MORC2: variants seen among roughly 807,000 people sequenced by gnomAD.
MORC2 encodes the protein MORC family CW-type zinc finger 2.
Under a neutral mutation model 136.0 loss-of-function variants are expected in MORC2, and 30 were observed. The observed-to-expected ratio is 0.22, with a 90% CI of 0.17 to 0.30. MORC2 has a LOEUF of 0.30. MORC2 is among the 10% of genes least tolerant of loss of function. The pLI is 1.00. For missense variants in MORC2, 922 were observed against 1,333.1 expected, an observed-to-expected ratio of 0.69 and a Z score of 4.80; for synonymous variants, 439 against 487.0, an observed-to-expected ratio of 0.90 and a Z score of 1.30.
At chr22:30,950,342 C>G in intron 4 of MORC2, 35 bp downstream of exon 4, 1 of 589,184 alleles carries the variant, frequency 1.7e-6, no homozygotes, top group Non-Finnish European at 3.2e-6. Flanking sequence ...ACATCGCACC[C>G]CCCCACCCCC....
Position 30,932,496 on chromosome 22 carries a change from C to T in MORC2, c.2748-44G>A, listed in dbSNP as rs764596581. 6.2e-7 allele frequency: 1 copy of T among 1,610,906 alleles called. No homozygotes were observed. Among genetic ancestry groups the T allele is most frequent in the East Asian group, 2.2e-5 (1 of 44,866 alleles). ...GTAATTCAGAATGGCATGGAGCAGGCAGAGAGCTGCTGCTGGCCCTGGGGT... is the reference window on the plus strand; with the variant it reads ...GTAATTCAGAATGGCATGGAGCAGGTAGAGAGCTGCTGCTGGCCCTGGGGT... On this transcript the variant is annotated intron_variant, in intron 23 of 25. Transcript: ENST00000397641. The surrounding 1 kb of genome is among the most constrained non-coding windows in gnomAD (Gnocchi z 4.4).
At position 30,935,339 on chromosome 22, in the gene MORC2, A is replaced by G. The variant is rs1313591423; in HGVS notation, c.1738-17T>C. The G allele has an allele frequency of 1.2e-6, 2 of 1,610,798 alleles. No individual in the cohort carries two copies. The highest frequency in any genetic ancestry group is 1.1e-5 in the South Asian group (1 of 90,630). On this transcript the variant is annotated splice_polypyrimidine_tract_variant and intron_variant, in intron 17 of 25. Coordinates refer to ENST00000397641, the MANE Select transcript of MORC2 (RefSeq NM_001303256.3). Reference sequence around the variant, plus strand: ...TGTGGTTTTCTGCAAGGCAAACATCATGATGAAGTTGTTTGCATATTTTAG... The same window carrying G: ...TGTGGTTTTCTGCAAGGCAAACATCGTGATGAAGTTGTTTGCATATTTTAG...
intron 25 of MORC2, 117 bp downstream of exon 25, chr22:30,927,902 T>G: frequency 3.1e-5 from 39 of 1,274,704 alleles, no homozygotes; most frequent in Non-Finnish European, 4.0e-5. Context: ...GCAGCCAGGG[T>G]GAGAACCATA....
At chr22:30,948,463 G>A (rs1049991435) in intron 5 of MORC2, among the ~76,000 whole-genome samples, 3 of 152,222 alleles carry the variant, frequency 2.0e-5, no homozygotes, top group African/African-American at 7.2e-5. Context: ...AATCTGCCAT[G>A]GAAACATCAA....
Position 30,934,288 on chromosome 22 carries a change from C to CTGTA in MORC2, c.2194-101_2194-98dup, listed in dbSNP as rs1379190944. On this transcript the variant is annotated intron_variant, in intron 19 of 25. Coordinates refer to ENST00000397641, the MANE Select transcript of MORC2 (RefSeq NM_001303256.3). This position sits in a 1 kb window ranked among gnomAD's most constrained non-coding sequence, Gnocchi z 4.4. Reference sequence around the variant, plus strand: ...CCTAAAGGAGTCGTTCCAAGAGGAGCTGTACTCCCTGCAATCCCTGCCTGA... The same window carrying CTGTA: ...CCTAAAGGAGTCGTTCCAAGAGGAGCTGTATGTACTCCCTGCAATCCCTGCCTGA... The CTGTA allele has an allele frequency of 6.6e-7, 1 of 1,509,768 alleles. No individual in the cohort carries two copies. Among genetic ancestry groups the CTGTA allele is most frequent in the African/African-American group, 1.4e-5 (1 of 72,498 alleles). 93.5% of individuals were successfully genotyped at this position (1,509,768 alleles called of 1,614,324 possible).
At chr22:30,959,896 A>G (rs2041018444) in intron 1 of MORC2, among the ~76,000 whole-genome samples, 1 of 152,274 alleles carries the variant, frequency 6.6e-6, no homozygotes, top group Non-Finnish European at 1.5e-5. Context: ...ATAAATATCC[A>G]TAACTAAACT....
rs1359411400 is a variant in MORC2, at chr22:30,932,860, C to T, written c.2522+29G>A. 2 of 1,614,032 alleles carry T rather than the reference C, an allele frequency of 1.2e-6. No individual in the cohort carries two copies. ...GGCCGGGGATACCTCCTTCGAGGAA[C>T]CACTGCTCCTCCCTGATTGGGGCAT... On this transcript the variant is annotated intron_variant, in intron 22 of 25. Coordinates refer to ENST00000397641, the MANE Select transcript of MORC2 (RefSeq NM_001303256.3). The surrounding 1 kb of genome is among the most constrained non-coding windows in gnomAD (Gnocchi z 4.4).
intron 6 of MORC2, 143 bp from the exon 7 acceptor site, chr22:30,942,414 GCTCTGTGAGCTTCAGGGCTTCTGC>G (rs1427006786): frequency 2.3e-6 from 2 of 867,502 alleles, no homozygotes; most frequent in African/African-American, 3.4e-5. Context: ...GGCACCAGAG[GCTCTGTGAGCTTCAGGGCTTCTGC>G]CTCTTCCCAA....
rs756946772 is a variant in MORC2 at position 30,932,605 on chromosome 22, G to C, written c.2687C>G (p.Pro896Arg). 1 of 1,614,192 alleles carries C rather than the reference G, an allele frequency of 6.2e-7. No homozygotes were observed. The highest frequency in any genetic ancestry group is 1.1e-5 in the South Asian group (1 of 91,086). The change falls in exon 23 of 26, where the codon CCT (proline) becomes CGT (arginine). Residue 896 changes from proline (P) to arginine (R), a missense_variant. Pro to Arg is a moderately radical substitution (Grantham distance 103, BLOSUM62 -2). Around this residue, in one of 9 missense-constraint regions of MORC2, gnomAD observed 263 missense variants for 388.3 expected, o/e 0.68. Transcript: ENST00000397641. The surrounding 1 kb of genome is among the most constrained non-coding windows in gnomAD (Gnocchi z 4.4). The stretch of plus-strand genomic sequence containing the variant: ...ATTGGTGCTCAGGGCAGTGGTGTCA[G>C]GCTCAATGCGGAGGCATTCGGAAGT... ...PSTSECLRIEPDTTALSTNHE... is the reference protein window; with the variant it reads ...PSTSECLRIERDTTALSTNHE...
Position 30,932,570 on chromosome 22 carries a change from T to C in MORC2, c.2722A>G (p.Ile908Val). Residue 908 changes from isoleucine (I) to valine (V), a missense_variant, in exon 23 of 26, where the codon ATC (isoleucine) becomes GTC (valine). By Grantham distance (29) the Ile-to-Val change is conservative. Coordinates refer to ENST00000397641, the MANE Select transcript of MORC2 (RefSeq NM_001303256.3). The surrounding 1 kb of genome is among the most constrained non-coding windows in gnomAD (Gnocchi z 4.4). ...CGGAGGATCTGGACAAGCAGGTCGA[T>C]GGTCTCGTGATTGGTGCTCAGGGCA... ...TTALSTNHETIDLLVQILRNC... is the reference protein window; with the variant it reads ...TTALSTNHETVDLLVQILRNC... 4 of 1,614,060 alleles carry C rather than the reference T, an allele frequency of 2.5e-6. No homozygotes were observed. The highest frequency in any genetic ancestry group is 2.5e-6 in the Non-Finnish European group (3 of 1,180,006).
Position 30,928,011 on chromosome 22 carries a change from G to A in MORC2, c.3030+8C>T, listed in dbSNP as rs376367685. On this transcript the variant is annotated splice_region_variant and intron_variant, in intron 25 of 25. Coordinates refer to ENST00000397641, the MANE Select transcript of MORC2 (RefSeq NM_001303256.3). ...GTCCAGCTGCAACAGGAAGGCTGCCGGGCTCACCTCCTGCACCTTTTGCAG... is the reference window on the plus strand; with the variant it reads ...GTCCAGCTGCAACAGGAAGGCTGCCAGGCTCACCTCCTGCACCTTTTGCAG... 42 of 1,612,432 alleles carry A rather than the reference G, an allele frequency of 2.6e-5. No individual in the cohort carries two copies. Among genetic ancestry groups the A allele is most frequent in the East Asian group, 2.5e-4 (11 of 44,874 alleles).
At chr22:30,929,884 C>G (rs1253285401) in intron 24 of MORC2, 2 of 152,222 alleles carry the variant, frequency 1.3e-5, no homozygotes, top group African/African-American at 4.8e-5. Flanking sequence ...CAGTCTCGCT[C>G]TGTCACCCAG....
intron 6 of MORC2, among the ~76,000 whole-genome samples, chr22:30,942,706 T>G (rs918710824): frequency 2.6e-5 from 4 of 151,914 alleles, no homozygotes; most frequent in Non-Finnish European, 4.4e-5. Flanking sequence ...CCAGTAAACA[T>G]GTACAAAAAT....
chr22:30,967,117 C>G (rs1825485612), intron 1 of MORC2: 1 of 985,292 alleles, frequency 1.0e-6, no homozygotes, highest in Admixed American at 6.1e-5. Flanking sequence ...AGTTTTGACG[C>G]TACTGGACAG....
At chr22:30,950,243 C>T (rs1478929761) in intron 4 of MORC2, 134 bp downstream of exon 4, 7 of 888,962 alleles carry the variant, frequency 7.9e-6, no homozygotes, top group Admixed American at 2.3e-5. Context: ...TTGCAACAGA[C>T]TTCTTACTCC....
At position 30,939,583 on chromosome 22, in the gene MORC2, G is replaced by A. The variant is rs574142146; in HGVS notation, c.1073+38C>T. ...TGTCAATAATCAGTCCAAAAGCTAC[G>A]TCAGTTTAAAAGATCCAAGGACAGG... On this transcript the variant is annotated intron_variant, in intron 12 of 25. Transcript: ENST00000397641. The A allele has an allele frequency of 7.5e-6, 12 of 1,599,630 alleles. No individual in the cohort carries two copies. In the East Asian group the frequency reaches 1.1e-4, roughly 15 times the overall value.
At chr22:30,948,741 T>G (rs1342537048) in intron 5 of MORC2, among the ~76,000 whole-genome samples, 1 of 152,204 alleles carries the variant, frequency 6.6e-6, no homozygotes, top group Non-Finnish European at 1.5e-5. Flanking sequence ...TTCACCCTTA[T>G]AAACCTCAAT....
chr22:30,952,522 A>T (rs1569200330), intron 3 of MORC2, among the ~76,000 whole-genome samples: 1 of 152,212 alleles, frequency 6.6e-6, no homozygotes, highest in Non-Finnish European at 1.5e-5. Context: ...TGTAGTTTAA[A>T]GGGTAAGAGA....
chr22:30,940,730 C>T lies in MORC2; in HGVS notation c.904+28G>A, dbSNP rs200626561. On this transcript the variant is annotated intron_variant, in intron 10 of 25. Coordinates refer to ENST00000397641, the MANE Select transcript of MORC2 (RefSeq NM_001303256.3). Reference sequence around the variant, plus strand: ...CAGCATACCCCAGATGCACACCCCCCCAACTCCTGCACCCAGAGTGGCATT... The same window carrying T: ...CAGCATACCCCAGATGCACACCCCCTCAACTCCTGCACCCAGAGTGGCATT... 4.9e-5 allele frequency: 79 copies of T among 1,607,200 alleles called. No homozygotes were observed. In the African/African-American group the frequency reaches 6.0e-4, roughly 12 times the overall value.
Sources: gnomAD v4.1 joint callset for allele counts (sites outside exome capture counted in the v4.1 genomes callset) on GRCh38, gnomAD v4.1.1 for gene constraint, gnomAD v4.1.1 regional missense constraint, Gnocchi (gnomAD v3.1) non-coding constraint, MANE v1.5 for transcripts, NCBI Gene and HGNC (gene_info 2026-07-23, HGNC 2026-07-21) for gene names.